The following DIAPH2 variants were observed in gnomAD, a reference collection of about 807,000 sequenced individuals.
DIAPH2 encodes protein diaphanous homolog 2.
DIAPH2 carries 35 observed loss-of-function variants against 92.7 expected under a neutral mutation model. That is an observed-to-expected ratio of 0.38 (90% CI 0.29 to 0.50). The LOEUF is 0.50. Among genes scored for constraint, DIAPH2 ranks in the 20% least tolerant of loss-of-function variants. DIAPH2 has a pLI of 0.94. For missense variants in DIAPH2, 701 were observed against 819.5 expected (o/e 0.86, Z 1.77); for synonymous variants, 301 against 280.4 (o/e 1.07, Z -0.73).
intron 4 of DIAPH2, among the ~76,000 whole-genome samples, chrX:96,852,573 C>T (rs1389410222): frequency 9.0e-6 from 1 of 111,397 alleles, no homozygotes; most frequent in African/African-American, 3.3e-5. Flanking sequence ...GTTGAGTTAA[C>T]ATATTGGCCT....
At chrX:97,222,180 A>G (rs959158931) in intron 22 of DIAPH2, among the ~76,000 whole-genome samples, 14 of 106,465 alleles carry the variant, frequency 1.3e-4, no homozygotes, top group Non-Finnish European at 2.5e-4. Context: ...CTAGATGATG[A>G]TGATGATGAT....
At chrX:97,374,763 AG>A (rs1353934763) in intron 24 of DIAPH2, among the ~76,000 whole-genome samples, 2 of 112,058 alleles carry the variant, frequency 1.8e-5, no homozygotes, top group Non-Finnish European at 3.8e-5. Context: ...TTAATTAAGG[AG>A]TAGGCTTCCT....
intron 2 of DIAPH2, 135 bp downstream of exon 2, chrX:96,735,925 T>C: frequency 2.6e-6 from 1 of 390,002 alleles, no homozygotes. Flanking sequence ...AATGGAATAA[T>C]TGTCAATTCA....
In DIAPH2 at chrX:96,751,652, G is replaced by GTTTTTTT. The variant is rs1219167141; in HGVS notation, c.343-6489_343-6483dup. Reference sequence around the variant, plus strand: ...ATGGTCAACTAGACTTCAGTGTTTTGTTTTTTTTTTTTTTTTTTTGAGACG... The same window carrying GTTTTTTT: ...ATGGTCAACTAGACTTCAGTGTTTTGTTTTTTTTTTTTTTTTTTTTTTTTTTGAGACG... On this transcript the variant is annotated intron_variant, in intron 3 of 26. Coordinates refer to ENST00000324765, the MANE Select transcript of DIAPH2 (RefSeq NM_006729.5). Among the ~76,000 whole-genome samples, 56 of 60,293 alleles carry GTTTTTTT rather than the reference G, an allele frequency of 9.3e-4. 1 individual carries two copies. Among genetic ancestry groups the GTTTTTTT allele is most frequent in the African/African-American group, 2.4e-3 (38 of 15,716 alleles). 52.4% of individuals were successfully genotyped at this position (60,293 alleles called of 115,157 possible).
At position 96,876,695 on chromosome X, in the gene DIAPH2, G is replaced by A. The variant is rs1159640259; in HGVS notation, c.448-4884G>A. 7.4e-5 allele frequency among the ~76,000 whole-genome samples: 8 copies of A among 108,105 alleles called. No homozygotes were observed. The Middle Eastern group carries it at 0.019, about 260-fold the overall frequency. The allele number at this position is 108,105 out of a possible 115,157, so 93.9% of individuals were successfully genotyped here. ...AAACATCGCATGTTCTCACTCATAGGTGGGAATTGAACAATGAGAACACAT... is the reference window on the plus strand; with the variant it reads ...AAACATCGCATGTTCTCACTCATAGATGGGAATTGAACAATGAGAACACAT... On this transcript the variant is annotated intron_variant, in intron 4 of 26. Transcript: ENST00000324765.
intron 4 of DIAPH2, among the ~76,000 whole-genome samples, chrX:96,837,288 G>C (rs2064901438): frequency 9.0e-6 from 1 of 110,640 alleles, no homozygotes; most frequent in African/African-American, 3.3e-5. Flanking sequence ...CTTATAAAGA[G>C]CTTCATGGAT....
At chrX:97,016,663 A>C (rs2066263251) in intron 17 of DIAPH2, among the ~76,000 whole-genome samples, 1 of 112,084 alleles carries the variant, frequency 8.9e-6, no homozygotes, top group African/African-American at 3.2e-5. Context: ...TACCTTTGAC[A>C]AGTTGCTTGC....
intron 26 of DIAPH2, among the ~76,000 whole-genome samples, chrX:97,521,414 A>G (rs2070990359): frequency 8.9e-6 from 1 of 111,864 alleles, no homozygotes; most frequent in African/African-American, 3.3e-5. Flanking sequence ...TTACATACAC[A>G]TTCCTTGCCT....
intron 16 of DIAPH2, among the ~76,000 whole-genome samples, chrX:96,959,862 A>T (rs1189313186): frequency 9.0e-6 from 1 of 111,659 alleles, no homozygotes; most frequent in Non-Finnish European, 1.9e-5. Flanking sequence ...ATCATCATTT[A>T]TTGAAGAGGG....
At chrX:96,884,674 G>A (rs144423256) in intron 5 of DIAPH2, 2 of 1,210,718 alleles carry the variant, frequency 1.7e-6, no homozygotes, top group South Asian at 3.5e-5. Flanking sequence ...ATTGTCAGTC[G>A]GAGTATATGT....
intron 17 of DIAPH2, among the ~76,000 whole-genome samples, chrX:97,046,810 A>G (rs907532130): frequency 9.0e-6 from 1 of 111,653 alleles, no homozygotes; most frequent in Non-Finnish European, 1.9e-5. Context: ...TGGTGGGTCA[A>G]AGAGCTGGTG....
intron 5 of DIAPH2, among the ~76,000 whole-genome samples, chrX:96,903,480 G>A (rs143700970): frequency 0.032 from 3,618 of 111,760 alleles, 162 homozygotes; most frequent in African/African-American, 0.11. Flanking sequence ...TCTTGTGGAA[G>A]TTAACATTTT....
chrX:96,878,326 A>G lies in DIAPH2; in HGVS notation c.448-3253A>G, dbSNP rs141650761. Among the ~76,000 whole-genome samples the G allele has an allele frequency of 7.6e-4, 85 of 111,670 alleles. 2 individuals carry two copies. The East Asian group carries it at 0.023, about 30-fold the overall frequency. On this transcript the variant is annotated intron_variant, in intron 4 of 26. Coordinates refer to ENST00000324765, the MANE Select transcript of DIAPH2 (RefSeq NM_006729.5). ...AGACAGGAGCTATCCAAGGACCAGA[A>G]TATTTGTTTTAGTCTCATACTCTTA...
intron 22 of DIAPH2, among the ~76,000 whole-genome samples, chrX:97,199,911 C>A (rs1043218025): frequency 9.0e-6 from 1 of 110,784 alleles, no homozygotes; most frequent in Non-Finnish European, 1.9e-5. Context: ...AAGTATACAC[C>A]TTTTCATTTT....
At position 96,999,374 on chromosome X, in the gene DIAPH2, C is replaced by T. The variant is rs112583199; in HGVS notation, c.2050+34167C>T. 9.6e-3 allele frequency among the ~76,000 whole-genome samples: 1,031 copies of T among 107,787 alleles called. 4 individuals are homozygous for T. Among genetic ancestry groups the T allele is most frequent in the Non-Finnish European group, 0.014 (741 of 52,172 alleles). 93.6% of individuals were successfully genotyped at this position (107,787 alleles called of 115,157 possible). ...AAAATTAGCCTGGCGTGGTGGCGGG[C>T]GCTGGTAGTCCAGCTACTCGGGAGG... On this transcript the variant is annotated intron_variant, in intron 17 of 26. Coordinates refer to ENST00000324765, the MANE Select transcript of DIAPH2 (RefSeq NM_006729.5).
chrX:96,970,379 G>A (rs866161057), intron 17 of DIAPH2, among the ~76,000 whole-genome samples: 12 of 92,474 alleles, frequency 1.3e-4, no homozygotes. Flanking sequence ...GTTTGTTTTT[G>A]TCATTTTTTT....
intron 17 of DIAPH2, among the ~76,000 whole-genome samples, chrX:97,032,113 T>C (rs973642744): frequency 3.6e-5 from 4 of 111,558 alleles, no homozygotes; most frequent in African/African-American, 1.3e-4. Flanking sequence ...ATTCTAAAAC[T>C]AACATGGAAT....
chrX:97,384,149 G>C (rs1461709934), intron 25 of DIAPH2, 105 bp downstream of exon 25: 1 of 692,515 alleles, frequency 1.4e-6, no homozygotes, highest in Non-Finnish European at 2.1e-6. Context: ...ATTCACAATA[G>C]TATTAGTTAC....
chrX:97,310,216 TACTC>T (rs1221777767), intron 23 of DIAPH2, among the ~76,000 whole-genome samples: 1 of 112,217 alleles, frequency 8.9e-6, no homozygotes, highest in Non-Finnish European at 1.9e-5. Context: ...TAATTTTCAA[TACTC>T]ATTCATTCAT....
Sources: gnomAD v4.1 joint callset for allele counts (sites outside exome capture counted in the v4.1 genomes callset) on GRCh38, gnomAD v4.1.1 for gene constraint, MANE v1.5 for transcripts, NCBI Gene and HGNC (gene_info 2026-07-23, HGNC 2026-07-21) for gene names.